PDE1C: variants seen among roughly 807,000 people sequenced by gnomAD.
PDE1C encodes phosphodiesterase 1C.
PDE1C carries 62 observed loss-of-function variants against 93.1 expected under a neutral mutation model. The ratio of observed to expected loss-of-function variants is 0.67; its 90% CI spans 0.54 to 0.82. The LOEUF (loss-of-function observed/expected upper bound fraction) is 0.82, where lower values mean the gene tolerates loss of function less well. Among genes scored for constraint, PDE1C ranks in the 40% least tolerant of loss-of-function variants. PDE1C has a pLI of 0.00. For missense variants in PDE1C, 742 were observed against 884.6 expected, an observed-to-expected ratio of 0.84 and a Z score of 2.04; for synonymous variants, 325 against 310.1, an observed-to-expected ratio of 1.05 and a Z score of -0.50.
chr7:31,816,214 G>A (rs992885395), intron 14 of PDE1C, 60 bp from the exon 15 acceptor site: 2 of 1,467,470 alleles, frequency 1.4e-6, no homozygotes, highest in African/African-American at 2.8e-5. Context: ...ATGCCGTTAG[G>A]AGAATGGCCT....
chr7:32,065,877 C>T (rs918932893), intron 1 of PDE1C, among the ~76,000 whole-genome samples: 3 of 152,150 alleles, frequency 2.0e-5, no homozygotes, highest in African/African-American at 7.2e-5. Flanking sequence ...TTCAAAACAT[C>T]CTAAGCAAAA....
intron 1 of PDE1C, among the ~76,000 whole-genome samples, chr7:32,369,411 C>T (rs996838855): frequency 6.6e-6 from 1 of 152,116 alleles, no homozygotes; most frequent in Admixed American, 6.5e-5. Flanking sequence ...CACTTAACAT[C>T]AGTGAAATCA....
At chr7:31,787,220 C>CT (rs1784096693) in intron 16 of PDE1C, 1 of 152,086 alleles carries the variant, frequency 6.6e-6, no homozygotes, top group African/African-American at 2.4e-5. Context: ...CTAGGTTATT[C>CT]TTTGGCTTTC....
At chr7:31,620,272 C>T in the PDE1C span, among the ~76,000 whole-genome samples, 1 of 152,094 alleles carries the variant, frequency 6.6e-6, no homozygotes, top group South Asian at 2.1e-4. Flanking sequence ...TCCCAGCATG[C>T]AGCTGGAGAT....
chr7:31,860,165 C>T (rs969321060), intron 7 of PDE1C, among the ~76,000 whole-genome samples: 78 of 152,272 alleles, frequency 5.1e-4, no homozygotes, highest in African/African-American at 1.8e-3. Context: ...AACATAATTT[C>T]TTCTCAATCA....
At chr7:32,083,102 T>C (rs1395830268) in intron 3 of PDE1C, among the ~76,000 whole-genome samples, 1 of 151,848 alleles carries the variant, frequency 6.6e-6, no homozygotes, top group Non-Finnish European at 1.5e-5. Flanking sequence ...TTAAAAACTT[T>C]GAAAAAAATT....
chr7:32,427,798 C>G (rs1184303259), intron 1 of PDE1C: 1 of 152,256 alleles, frequency 6.6e-6, no homozygotes, highest in Non-Finnish European at 1.5e-5. Flanking sequence ...CTGTGAGATC[C>G]TTAAGCAAGG....
At chr7:32,261,093 G>A (rs1810163058) in intron 1 of PDE1C, among the ~76,000 whole-genome samples, 1 of 152,080 alleles carries the variant, frequency 6.6e-6, no homozygotes, top group African/African-American at 2.4e-5. Flanking sequence ...CTGGGCAACA[G>A]AGCGAGACTT....
At chr7:31,979,901 C>T (rs1812157439) in intron 2 of PDE1C, among the ~76,000 whole-genome samples, 1 of 152,226 alleles carries the variant, frequency 6.6e-6, no homozygotes, top group African/African-American at 2.4e-5. Context: ...AGTACCAACA[C>T]TCTTCAGATC....
intron 1 of PDE1C, among the ~76,000 whole-genome samples, chr7:32,231,198 C>T (rs1348275978): frequency 6.6e-6 from 1 of 152,120 alleles, no homozygotes; most frequent in Non-Finnish European, 1.5e-5. Context: ...GAAAATCACA[C>T]CCAATCCAAA....
At chr7:32,209,682 C>T in intron 1 of PDE1C, 2 of 647,110 alleles carry the variant, frequency 3.1e-6, no homozygotes, top group East Asian at 5.6e-5. Flanking sequence ...AACTTTACTC[C>T]CTCCGTGTCT....
At chr7:31,928,417 C>T (rs1803690155) in intron 2 of PDE1C, among the ~76,000 whole-genome samples, 1 of 152,146 alleles carries the variant, frequency 6.6e-6, no homozygotes, top group Admixed American at 6.5e-5. Flanking sequence ...CATTCAACTT[C>T]AGGAAATACA....
chr7:32,034,567 T>C (rs1361087382), intron 2 of PDE1C, among the ~76,000 whole-genome samples: 1 of 152,186 alleles, frequency 6.6e-6, no homozygotes, highest in Non-Finnish European at 1.5e-5. Flanking sequence ...GGTGTGTTCA[T>C]GGTAGCTCCC....
chr7:32,388,739 G>GTATATTTT (rs1784689865), intron 1 of PDE1C, among the ~76,000 whole-genome samples: 1 of 149,322 alleles, frequency 6.7e-6, no homozygotes, highest in Non-Finnish European at 1.5e-5. Context: ...TGTATACAGT[G>GTATATTTT]TATATTTTTT....
intron 16 of PDE1C, among the ~76,000 whole-genome samples, chr7:31,782,394 A>T (rs1783494187): frequency 6.6e-6 from 1 of 152,250 alleles, no homozygotes; most frequent in African/African-American, 2.4e-5. Flanking sequence ...TAAGTTTCCT[A>T]TTATACTGTC....
intron 9 of PDE1C, among the ~76,000 whole-genome samples, chr7:31,839,746 G>C (rs1261782594): frequency 2.0e-5 from 3 of 152,210 alleles, no homozygotes; most frequent in Non-Finnish European, 4.4e-5. Context: ...GTGTTTATAA[G>C]AAACTGCCAG....
At chr7:32,236,347 C>G (rs1808076163) in intron 1 of PDE1C, among the ~76,000 whole-genome samples, 1 of 152,048 alleles carries the variant, frequency 6.6e-6, no homozygotes, top group Non-Finnish European at 1.5e-5. Context: ...GCAAAATAAA[C>G]TGTTAACAGG....
At chr7:32,282,884 T>C (rs9771228) in intron 1 of PDE1C, among the ~76,000 whole-genome samples, 59,308 of 152,002 alleles carry the variant, frequency 0.39, 12,347 homozygotes, top group East Asian at 0.53. Context: ...CCGGCCTATA[T>C]GCCATTTTTT....
At chr7:31,617,112 C>T in the PDE1C span, among the ~76,000 whole-genome samples, 3 of 152,092 alleles carry the variant, frequency 2.0e-5, no homozygotes, top group East Asian at 1.9e-4. Flanking sequence ...TGGGTGAGCT[C>T]GTCCCGGTAT....
Sources: gnomAD v4.1 joint callset for allele counts (sites outside exome capture counted in the v4.1 genomes callset) on GRCh38, gnomAD v4.1.1 for gene constraint, MANE v1.5 for transcripts, NCBI Gene and HGNC (gene_info 2026-07-23, HGNC 2026-07-21) for gene names.